BCL2: variants seen among roughly 807,000 people sequenced by gnomAD.
BCL2 encodes BCL2 apoptosis regulator.
BCL2 carries 1 observed loss-of-function variant against 14.2 expected under a neutral mutation model. The ratio of observed to expected loss-of-function variants is 0.07; its 90% CI spans 0.02 to 0.33. The LOEUF (loss-of-function observed/expected upper bound fraction) is 0.33, where lower values mean the gene tolerates loss of function less well. BCL2 is among the 10% of genes least tolerant of loss of function. The pLI, the probability that BCL2 is intolerant of heterozygous loss-of-function variation, is 0.99. For missense variants in BCL2, 247 were observed against 305.9 expected, an observed-to-expected ratio of 0.81 and a Z score of 1.44; for synonymous variants, 151 against 137.2, an observed-to-expected ratio of 1.10 and a Z score of -0.70.
At chr18:63,313,868 T>A (rs1334180147) in intron 2 of BCL2, 3 of 152,236 alleles carry the variant, frequency 2.0e-5, no homozygotes, top group African/African-American at 7.2e-5. Context: ...TGTGGCCTGA[T>A]GACATTTAAG....
intron 2 of BCL2, among the ~76,000 whole-genome samples, chr18:63,236,819 T>A (rs1409812082): frequency 6.6e-6 from 1 of 152,216 alleles, no homozygotes; most frequent in Non-Finnish European, 1.5e-5. Context: ...TTTAGGGGCA[T>A]TAGCTCTGAG....
intron 2 of BCL2, among the ~76,000 whole-genome samples, chr18:63,312,970 C>T (rs1026157310): frequency 6.6e-6 from 1 of 152,192 alleles, no homozygotes; most frequent in Non-Finnish European, 1.5e-5. Context: ...CTACGTTACA[C>T]AGTATTTTTT....
intron 2 of BCL2, among the ~76,000 whole-genome samples, chr18:63,199,051 GAC>G (rs921157917): frequency 4.2e-5 from 6 of 144,322 alleles, no homozygotes; most frequent in South Asian, 2.2e-4. Flanking sequence ...ACATACAAAA[GAC>G]ACACACACTA....
Position 63,124,736 on chromosome 18 carries a change from A to C in BCL2, c.*3889T>G. On this transcript the variant is annotated 3_prime_UTR_variant, in exon 3 of 3. Transcript: ENST00000333681. ...TGACAATGTAGAATTGTATTTCTTA[A>C]AAAGTGTGTAACCACATTTGTCTGG... The C allele has an allele frequency of 4.3e-6, 1 of 230,194 alleles. No individual in the cohort carries two copies. Among genetic ancestry groups the C allele is most frequent in the Non-Finnish European group, 8.6e-6 (1 of 115,778 alleles). The allele number at this position is 230,194 out of a possible 1,614,324, so 14.3% of individuals were successfully genotyped here.
At chr18:63,272,788 CT>C (rs1214810837) in intron 2 of BCL2, among the ~76,000 whole-genome samples, 1 of 152,174 alleles carries the variant, frequency 6.6e-6, no homozygotes, top group Non-Finnish European at 1.5e-5. Flanking sequence ...GCAGTTTCTA[CT>C]AAATTACTTG....
At position 63,124,646 on chromosome 18, in the gene BCL2, A is replaced by C; in HGVS notation, c.*3979T>G. On this transcript the variant is annotated 3_prime_UTR_variant, in exon 3 of 3. Transcript: ENST00000333681. ...TGTCCTTTGTCCCATAATAATTTAAAAAAAAAATCCCTGAAAGATCCAAAT... is the reference window on the plus strand; with the variant it reads ...TGTCCTTTGTCCCATAATAATTTAACAAAAAAATCCCTGAAAGATCCAAAT... 4.3e-6 allele frequency: 1 copy of C among 230,522 alleles called. No homozygotes were observed. Among genetic ancestry groups the C allele is most frequent in the Non-Finnish European group, 8.6e-6 (1 of 116,140 alleles). The allele number at this position is 230,522 out of a possible 1,614,324, so 14.3% of individuals were successfully genotyped here.
intron 2 of BCL2, among the ~76,000 whole-genome samples, chr18:63,205,847 C>T (rs1909821638): frequency 6.6e-6 from 1 of 152,144 alleles, no homozygotes; most frequent in Non-Finnish European, 1.5e-5. Flanking sequence ...GCAGAAAACT[C>T]CCGGCCCCAT....
At chr18:63,245,143 A>G (rs901030867) in intron 2 of BCL2, among the ~76,000 whole-genome samples, 2 of 152,186 alleles carry the variant, frequency 1.3e-5, no homozygotes, top group Non-Finnish European at 2.9e-5. Context: ...CGCTCCATAT[A>G]TATATTATTA....
At chr18:63,298,201 G>A (rs1263595060) in intron 2 of BCL2, among the ~76,000 whole-genome samples, 1 of 152,158 alleles carries the variant, frequency 6.6e-6, no homozygotes, top group Non-Finnish European at 1.5e-5. Context: ...TCTGGCTGCC[G>A]CATCCTTTGT....
chr18:63,295,623 G>A (rs1280034878), intron 2 of BCL2, among the ~76,000 whole-genome samples: 1 of 152,142 alleles, frequency 6.6e-6, no homozygotes, highest in Non-Finnish European at 1.5e-5. Context: ...TGCCTGGCGG[G>A]TCAGAAGAAT....
intron 2 of BCL2, among the ~76,000 whole-genome samples, chr18:63,285,005 A>G (rs910850834): frequency 6.6e-6 from 1 of 152,208 alleles, no homozygotes; most frequent in Non-Finnish European, 1.5e-5. Context: ...GACTTGCTGC[A>G]GGCAAAAGGC....
In BCL2 at chr18:63,126,559, A is replaced by G. The variant is rs1214304682; in HGVS notation, c.*2066T>C. The G allele has an allele frequency of 8.7e-6, 2 of 229,356 alleles. No homozygotes were observed. Among genetic ancestry groups the G allele is most frequent in the Admixed American group, 5.7e-5 (1 of 17,636 alleles). 14.2% of individuals were successfully genotyped at this position (229,356 alleles called of 1,614,324 possible). A position where few individuals can be genotyped will look rare whatever the true frequency, so the allele number is the denominator to read the frequency against. On this transcript the variant is annotated 3_prime_UTR_variant, in exon 3 of 3. Coordinates refer to ENST00000333681, the MANE Select transcript of BCL2 (RefSeq NM_000633.3). ...AAACAAGGTCAAAGGGACAACAGATATAACTGTCACAATAAACAATTCTGT... is the reference window on the plus strand; with the variant it reads ...AAACAAGGTCAAAGGGACAACAGATGTAACTGTCACAATAAACAATTCTGT...
At chr18:63,225,389 A>G (rs929030693) in intron 2 of BCL2, among the ~76,000 whole-genome samples, 2 of 152,210 alleles carry the variant, frequency 1.3e-5, no homozygotes, top group African/African-American at 4.8e-5. Flanking sequence ...GAAACAAAAG[A>G]TAACAGTATA....
intron 2 of BCL2, among the ~76,000 whole-genome samples, chr18:63,280,617 CA>C (rs996951135): frequency 7.9e-5 from 12 of 152,138 alleles, no homozygotes; most frequent in African/African-American, 2.4e-4. Flanking sequence ...AGATCCAAAT[CA>C]AAACCACAAT....
intron 2 of BCL2, among the ~76,000 whole-genome samples, chr18:63,279,223 C>G (rs900272770): frequency 6.6e-6 from 1 of 152,104 alleles, no homozygotes; most frequent in African/African-American, 2.4e-5. Context: ...AAATTCTTTT[C>G]ATCAAAAGAT....
At chr18:63,163,835 A>T (rs1914979917) in intron 2 of BCL2, among the ~76,000 whole-genome samples, 1 of 152,266 alleles carries the variant, frequency 6.6e-6, no homozygotes, top group Non-Finnish European at 1.5e-5. Flanking sequence ...CCAAAGTCAC[A>T]TAGTGGCTAA....
At chr18:63,193,633 TAC>T (rs1170607549) in intron 2 of BCL2, among the ~76,000 whole-genome samples, 9 of 149,496 alleles carry the variant, frequency 6.0e-5, no homozygotes, top group South Asian at 2.1e-4. Flanking sequence ...CACATACAAA[TAC>T]ACACACACAT....
At chr18:63,218,319 GC>G (rs752878140) in intron 2 of BCL2, among the ~76,000 whole-genome samples, 18 of 152,068 alleles carry the variant, frequency 1.2e-4, no homozygotes, top group Non-Finnish European at 2.4e-4. Flanking sequence ...GGTAGGAACA[GC>G]CCAGGAAAAA....
chr18:63,265,759 C>T (rs1179737271), intron 2 of BCL2, among the ~76,000 whole-genome samples: 2 of 151,978 alleles, frequency 1.3e-5, no homozygotes, highest in East Asian at 3.9e-4. Flanking sequence ...ATAGGAAATG[C>T]CTATAAATCA....
Sources: allele counts gnomAD v4.1 joint callset (sites outside exome capture counted in the v4.1 genomes callset), GRCh38; gene constraint gnomAD v4.1.1; transcripts MANE v1.5; gene names NCBI Gene and HGNC (gene_info 2026-07-23, HGNC 2026-07-21).